Variants in HIRA observed in about 807,000 individuals in gnomAD.
HIRA encodes histone cell cycle regulator.
In HIRA, 13 loss-of-function variants were observed where a neutral mutation model predicts 126.6. The observed-to-expected ratio is 0.10, with a 90% confidence interval of 0.07 to 0.16. HIRA has a LOEUF of 0.16. Among genes scored for constraint, HIRA ranks in the 10% least tolerant of loss-of-function variants. The pLI, the probability that HIRA is intolerant of heterozygous loss-of-function variation, is 1.00. For synonymous variants in HIRA, 511 were observed against 520.0 expected (o/e 0.98, Z 0.24); for missense variants, 834 against 1,314.4 (o/e 0.63, Z 5.65).
chr22:19,406,427 C>T (rs960129606), intron 4 of HIRA, among the ~76,000 whole-genome samples: 9 of 152,108 alleles, frequency 5.9e-5, no homozygotes, highest in African/African-American at 1.7e-4. Context: ...GCAGAGAAAC[C>T]ACGCGATCTA....
chr22:19,361,282 T>C lies in HIRA; in HGVS notation c.2040A>G (p.Ala680=), dbSNP rs2088861235. The C allele has an allele frequency of 2.5e-6, 4 of 1,614,078 alleles. No homozygotes were observed. Among genetic ancestry groups the C allele is most frequent in the Non-Finnish European group, 3.4e-6 (4 of 1,180,030 alleles). The change falls in exon 17 of 25, where the codon GCA becomes GCG. Residue 680 remains alanine (A), a synonymous_variant. Coordinates refer to ENST00000263208, the MANE Select transcript of HIRA (RefSeq NM_003325.4). ...EAMCLSAPAL[A]LKLPIPSPQR... is the part of the protein sequence containing the mutation. ...GGGGGCTTGGAATTGGCAGCTTCAGTGCAAGTGCTGGTGCAGACAGACACA... is the reference window on the plus strand; with the variant it reads ...GGGGGCTTGGAATTGGCAGCTTCAGCGCAAGTGCTGGTGCAGACAGACACA...
At chr22:19,381,631 G>A (rs1454502711) in intron 13 of HIRA, among the ~76,000 whole-genome samples, 1 of 152,040 alleles carries the variant, frequency 6.6e-6, no homozygotes, top group African/African-American at 2.4e-5. Context: ...AACCTCACTT[G>A]GTCATGGTAT....
chr22:19,422,812 T>C (rs1040135810), intron 1 of HIRA, among the ~76,000 whole-genome samples: 2 of 152,186 alleles, frequency 1.3e-5, no homozygotes, highest in Non-Finnish European at 2.9e-5. Context: ...AACAGCTCCC[T>C]GTAGTCTTCC....
At chr22:19,403,632 G>C (rs2089286993) in intron 5 of HIRA, among the ~76,000 whole-genome samples, 1 of 152,068 alleles carries the variant, frequency 6.6e-6, no homozygotes, top group South Asian at 2.1e-4. Flanking sequence ...ATAAATAAAT[G>C]AGTAACTGCT....
rs781960357 is a variant in HIRA at position 19,355,825 on chromosome 22, A to G, written c.2496T>C (p.His832=). 1.2e-6 allele frequency: 2 copies of G among 1,614,088 alleles called. No individual in the cohort carries two copies. The highest frequency in any genetic ancestry group is 1.1e-5 in the South Asian group (1 of 91,058). The change falls in exon 21 of 25, where the codon CAT becomes CAC. Residue 832 remains histidine (H), a synonymous_variant. Transcript: ENST00000263208. The part of the protein sequence containing the change: ...MTVSQILLTQ[H]GIPVMNLSDG... ...CGGACAGGTTCATTACTGGGATTCC[A>G]TGCTGCGTCAGCAAGATCTGTGATA...
chr22:19,331,863 G>C (rs1397788056), intron 24 of HIRA, among the ~76,000 whole-genome samples: 2 of 152,202 alleles, frequency 1.3e-5, no homozygotes, highest in African/African-American at 4.8e-5. Flanking sequence ...TCCAGGGCAG[G>C]ATGAGAGTAG....
chr22:19,431,032 C>T (rs1316281387), intron 1 of HIRA, among the ~76,000 whole-genome samples: 2 of 152,198 alleles, frequency 1.3e-5, no homozygotes, highest in Non-Finnish European at 2.9e-5. Context: ...TTCGGATCTT[C>T]ATCCTGCCAC....
chr22:19,353,609 C>T, intron 22 of HIRA, 90 bp from the exon 23 acceptor site: 7 of 1,343,500 alleles, frequency 5.2e-6, no homozygotes, highest in Non-Finnish European at 6.0e-6. Context: ...AAGGAGCTGG[C>T]AGGAGGCAGG....
intron 15 of HIRA, among the ~76,000 whole-genome samples, chr22:19,363,372 T>A (rs558380652): frequency 6.6e-6 from 1 of 152,346 alleles, no homozygotes; most frequent in African/African-American, 2.4e-5. Flanking sequence ...CTTGGTAGGC[T>A]GAGGCAGGAG....
intron 5 of HIRA, among the ~76,000 whole-genome samples, chr22:19,404,907 C>T (rs560182724): frequency 6.6e-6 from 1 of 152,314 alleles, no homozygotes; most frequent in South Asian, 2.1e-4. Flanking sequence ...TATCACAGGC[C>T]TAGCTCAGGC....
chr22:19,348,202 A>T (rs2088709692), intron 24 of HIRA, among the ~76,000 whole-genome samples: 1 of 152,222 alleles, frequency 6.6e-6, no homozygotes, highest in Non-Finnish European at 1.5e-5. Context: ...AGCAAATAGA[A>T]GTGTTCTGTA....
At chr22:19,382,308 A>T (rs1009831805) in intron 13 of HIRA, among the ~76,000 whole-genome samples, 1 of 152,156 alleles carries the variant, frequency 6.6e-6, no homozygotes, top group Non-Finnish European at 1.5e-5. Context: ...CACAGAACAA[A>T]GTGTCACCAT....
chr22:19,332,364 A>G (rs2088500048), intron 24 of HIRA, among the ~76,000 whole-genome samples: 1 of 152,256 alleles, frequency 6.6e-6, no homozygotes, highest in Non-Finnish European at 1.5e-5. Flanking sequence ...AAGCAGGAGA[A>G]TGGCTGCTGT....
At chr22:19,406,728 T>TCAAAAG (rs1480744340) in intron 4 of HIRA, among the ~76,000 whole-genome samples, 1 of 152,130 alleles carries the variant, frequency 6.6e-6, no homozygotes, top group Non-Finnish European at 1.5e-5. Context: ...GTTTTCCAGG[T>TCAAAAG]GATGGTTAGC....
chr22:19,375,795 G>T lies in HIRA; in HGVS notation c.1614-3C>A. The T allele has an allele frequency of 6.2e-7, 1 of 1,614,022 alleles. No homozygotes were observed. The highest frequency in any genetic ancestry group is 1.1e-5 in the South Asian group (1 of 91,070). On this transcript the variant is annotated splice_polypyrimidine_tract_variant and splice_region_variant and intron_variant, in intron 14 of 24. Coordinates refer to ENST00000263208, the MANE Select transcript of HIRA (RefSeq NM_003325.4). ...CAGGAGTAGAGGTAGCATTCATACT[G>T]GGGTGAAGAAGAGGGGAGGCATGTC...
At chr22:19,378,330 C>G (rs1185947197) in intron 13 of HIRA, among the ~76,000 whole-genome samples, 1 of 152,180 alleles carries the variant, frequency 6.6e-6, no homozygotes, top group African/African-American at 2.4e-5. Context: ...GTACAACACA[C>G]CCAAATCTCA....
intron 23 of HIRA, among the ~76,000 whole-genome samples, chr22:19,353,151 G>A: frequency 6.6e-6 from 1 of 152,172 alleles, no homozygotes; most frequent in Non-Finnish European, 1.5e-5. Flanking sequence ...TTCTCTGCGG[G>A]AACACCCTCA....
intron 19 of HIRA, 118 bp from the exon 20 acceptor site, chr22:19,356,406 G>C (rs2088812359): frequency 1.2e-6 from 1 of 800,294 alleles, no homozygotes; most frequent in Non-Finnish European, 2.1e-6. Context: ...GCCTCTCCTA[G>C]TGAGAGGGGC....
chr22:19,358,384 C>G (rs371003816), intron 18 of HIRA, among the ~76,000 whole-genome samples: 1 of 152,202 alleles, frequency 6.6e-6, no homozygotes, highest in African/African-American at 2.4e-5. Flanking sequence ...CGTGGTCCAG[C>G]AGGCTTGCCC....
Sources: allele counts gnomAD v4.1 joint callset (sites outside exome capture counted in the v4.1 genomes callset), GRCh38; gene constraint gnomAD v4.1.1; transcripts MANE v1.5; gene names NCBI Gene and HGNC (gene_info 2026-07-23, HGNC 2026-07-21).